NTNG1: variants seen among roughly 807,000 people sequenced by gnomAD.
NTNG1 encodes netrin-G1.
NTNG1 carries 16 observed loss-of-function variants against 54.0 expected under a neutral mutation model. That is an observed-to-expected ratio of 0.30 (90% CI 0.20 to 0.45). NTNG1 has a LOEUF of 0.45. Among genes scored for constraint, NTNG1 ranks in the 20% least tolerant of loss-of-function variants. NTNG1 has a pLI of 1.00. For missense variants in NTNG1, 530 were observed against 678.7 expected (o/e 0.78, Z 2.43); for synonymous variants, 255 against 263.1 (o/e 0.97, Z 0.30).
At chr1:107,147,344 GA>G (rs1258828501) in intron 1 of NTNG1, among the ~76,000 whole-genome samples, 2 of 152,070 alleles carry the variant, frequency 1.3e-5, no homozygotes, top group Non-Finnish European at 2.9e-5. Flanking sequence ...TCGCCTTTGG[GA>G]CAAATTCTCT....
At chr1:107,209,233 G>A (rs1659431869) in intron 2 of NTNG1, among the ~76,000 whole-genome samples, 1 of 151,804 alleles carries the variant, frequency 6.6e-6, no homozygotes, top group Admixed American at 6.6e-5. Flanking sequence ...CCACAATGTG[G>A]TAATTACACT....
intron 2 of NTNG1, among the ~76,000 whole-genome samples, chr1:107,281,616 A>C (rs1408968822): frequency 1.3e-5 from 2 of 152,090 alleles, no homozygotes; most frequent in Non-Finnish European, 2.9e-5. Context: ...TATTAGGCTT[A>C]ACTTGTGTAC....
chr1:107,347,185 G>A (rs1294441573), intron 3 of NTNG1, among the ~76,000 whole-genome samples: 1 of 152,078 alleles, frequency 6.6e-6, no homozygotes, highest in Non-Finnish European at 1.5e-5. Context: ...ACTTCTCTCT[G>A]AGCAATAGTT....
intron 2 of NTNG1, among the ~76,000 whole-genome samples, chr1:107,290,779 T>C (rs1271188002): frequency 6.6e-6 from 1 of 151,656 alleles, no homozygotes; most frequent in African/African-American, 2.4e-5. Context: ...AGGACCTCTT[T>C]CCTGTTAATA....
At chr1:107,202,946 A>G (rs1658871911) in intron 2 of NTNG1, among the ~76,000 whole-genome samples, 1 of 151,970 alleles carries the variant, frequency 6.6e-6, no homozygotes, top group African/African-American at 2.4e-5. Context: ...TGTCTTTGAG[A>G]TGAATCTATA....
chr1:107,244,773 G>A (rs1214772915), intron 2 of NTNG1, among the ~76,000 whole-genome samples: 1 of 152,120 alleles, frequency 6.6e-6, no homozygotes, highest in Non-Finnish European at 1.5e-5. Flanking sequence ...TTCTGAATGA[G>A]GTGAAGAGTG....
At chr1:107,431,959 G>A (rs1450543022) in intron 6 of NTNG1, among the ~76,000 whole-genome samples, 2 of 152,098 alleles carry the variant, frequency 1.3e-5, no homozygotes, top group Non-Finnish European at 2.9e-5. Flanking sequence ...TGATTGGATC[G>A]TCAAGATCCA....
intron 2 of NTNG1, among the ~76,000 whole-genome samples, chr1:107,156,756 G>A (rs543823801): frequency 7.9e-5 from 12 of 152,248 alleles, no homozygotes; most frequent in Middle Eastern, 6.8e-3. Flanking sequence ...TGTATACTCC[G>A]TGTCAGTCAT....
At chr1:107,292,961 C>T (rs1363336818) in intron 2 of NTNG1, among the ~76,000 whole-genome samples, 1 of 143,742 alleles carries the variant, frequency 7.0e-6, no homozygotes, top group Admixed American at 7.0e-5. Flanking sequence ...TAAAACTTGC[C>T]TTCATCTCTC....
chr1:107,246,287 T>A (rs1662194370), intron 2 of NTNG1, among the ~76,000 whole-genome samples: 1 of 152,144 alleles, frequency 6.6e-6, no homozygotes, highest in Admixed American at 6.6e-5. Flanking sequence ...TCTCCTGACC[T>A]TATGATGTGC....
At chr1:107,358,870 C>A (rs1670098056) in intron 3 of NTNG1, among the ~76,000 whole-genome samples, 1 of 152,194 alleles carries the variant, frequency 6.6e-6, no homozygotes, top group Non-Finnish European at 1.5e-5. Flanking sequence ...CTTGAACTGA[C>A]AGATTAGTTT....
intron 3 of NTNG1, chr1:107,328,819 G>A (rs1668107859): frequency 6.6e-6 from 1 of 152,038 alleles, no homozygotes; most frequent in African/African-American, 2.4e-5. Context: ...AAATCTGAAA[G>A]ACAAATGAAT....
chr1:107,248,076 TACTGCC>T (rs1662317956), intron 2 of NTNG1, among the ~76,000 whole-genome samples: 1 of 152,262 alleles, frequency 6.6e-6, no homozygotes, highest in Admixed American at 6.5e-5. Flanking sequence ...TTAGCAATCC[TACTGCC>T]AACATGCCAT....
chr1:107,460,238 C>T (rs1677200099), intron 7 of NTNG1, among the ~76,000 whole-genome samples: 1 of 152,158 alleles, frequency 6.6e-6, no homozygotes, highest in African/African-American at 2.4e-5. Flanking sequence ...TGCCATCAAA[C>T]CATGGCCTGC....
intron 2 of NTNG1, among the ~76,000 whole-genome samples, chr1:107,196,483 G>A (rs1318759426): frequency 6.6e-6 from 1 of 152,064 alleles, no homozygotes; most frequent in East Asian, 1.9e-4. Flanking sequence ...TCCCATGGAA[G>A]TTGAGGAAAG....
intron 3 of NTNG1, among the ~76,000 whole-genome samples, chr1:107,347,703 AAG>A (rs1474755459): frequency 6.6e-6 from 1 of 152,124 alleles, no homozygotes; most frequent in Non-Finnish European, 1.5e-5. Context: ...TTATAAAGGA[AAG>A]AGATTTAATC....
intron 3 of NTNG1, among the ~76,000 whole-genome samples, chr1:107,352,433 C>G (rs1232500716): frequency 1.3e-5 from 2 of 152,042 alleles, no homozygotes; most frequent in Non-Finnish European, 2.9e-5. Flanking sequence ...GACAATGGCC[C>G]TCTTCTGACA....
intron 2 of NTNG1, among the ~76,000 whole-genome samples, chr1:107,222,999 T>A (rs978340550): frequency 1.3e-5 from 2 of 152,006 alleles, no homozygotes; most frequent in Non-Finnish European, 2.9e-5. Flanking sequence ...TTTGAGCCAA[T>A]GCTTCTCTAA....
At chr1:107,250,723 G>GGTGTTTGTAC (rs11282150) in intron 2 of NTNG1, among the ~76,000 whole-genome samples, 1 of 152,120 alleles carries the variant, frequency 6.6e-6, no homozygotes, top group Non-Finnish European at 1.5e-5. Context: ...AAGAGGGTCG[G>GGTGTTTGTAC]CCCTGCGTCA....
Sources: gnomAD v4.1 joint callset for allele counts (sites outside exome capture counted in the v4.1 genomes callset) on GRCh38, gnomAD v4.1.1 for gene constraint, MANE v1.5 for transcripts, NCBI Gene and HGNC (gene_info 2026-07-23, HGNC 2026-07-21) for gene names.